PTPRT: variants seen among roughly 807,000 people sequenced by gnomAD.
PTPRT encodes protein tyrosine phosphatase receptor type T.
In PTPRT, 56 loss-of-function variants were observed where a neutral mutation model predicts 176.8. The observed-to-expected ratio is 0.32, with a 90% CI of 0.26 to 0.40. PTPRT has a LOEUF of 0.40. Among genes scored for constraint, PTPRT ranks in the 10% least tolerant of loss-of-function variants. The pLI is 1.00. For synonymous variants in PTPRT, 783 were observed against 739.0 expected, an observed-to-expected ratio of 1.06 and a Z score of -0.96; for missense variants, 1,540 against 1,908.2, an observed-to-expected ratio of 0.81 and a Z score of 3.60.
chr20:42,468,411 G>A (rs1205919704), intron 8 of PTPRT, among the ~76,000 whole-genome samples: 1 of 152,170 alleles, frequency 6.6e-6, no homozygotes, highest in Non-Finnish European at 1.5e-5. Flanking sequence ...CATACAGCAG[G>A]GTCCTACACT....
chr20:42,300,939 C>T (rs1271407048), intron 12 of PTPRT, among the ~76,000 whole-genome samples: 4 of 145,992 alleles, frequency 2.7e-5, no homozygotes, highest in Non-Finnish European at 6.0e-5. Context: ...AGGGGAACAT[C>T]ACACTCTGGG....
At chr20:42,293,960 G>C (rs2057352593) in intron 12 of PTPRT, among the ~76,000 whole-genome samples, 1 of 151,614 alleles carries the variant, frequency 6.6e-6, no homozygotes, top group Non-Finnish European at 1.5e-5. Context: ...AACAACACAG[G>C]AAAAGAAGAA....
At chr20:42,804,842 T>C (rs2077582288) in intron 2 of PTPRT, among the ~76,000 whole-genome samples, 1 of 152,172 alleles carries the variant, frequency 6.6e-6, no homozygotes, top group African/African-American at 2.4e-5. Context: ...CTGTCTCCAT[T>C]TGTTAAGGAA....
chr20:42,941,120 C>A (rs1281530404), intron 1 of PTPRT, among the ~76,000 whole-genome samples: 1 of 151,620 alleles, frequency 6.6e-6, no homozygotes, highest in Non-Finnish European at 1.5e-5. Context: ...AATAAGACTT[C>A]TGTTATGCGG....
At chr20:42,948,523 TTC>T (rs1428704182) in intron 1 of PTPRT, among the ~76,000 whole-genome samples, 28 of 152,114 alleles carry the variant, frequency 1.8e-4, no homozygotes, top group Non-Finnish European at 4.4e-5. Flanking sequence ...GTGATGAAAC[TTC>T]TCTCTTTTCC....
In PTPRT at chr20:43,166,751, T is replaced by G. The variant is rs542991310; in HGVS notation, c.88+22895A>C. Among the ~76,000 whole-genome samples the G allele has an allele frequency of 4.6e-5, 7 of 152,312 alleles. No individual in the cohort carries two copies. In the South Asian group the frequency reaches 1.5e-3, roughly 32 times the overall value. On this transcript the variant is annotated intron_variant, in intron 1 of 30. Transcript: ENST00000373187. ...GGGGGGTAAGAGAGAAAAACTGGCC[T>G]CATGGCTGGCAGACATCAGAGTACA... is the stretch of plus-strand genomic sequence containing the variant.
intron 13 of PTPRT, among the ~76,000 whole-genome samples, chr20:42,273,607 A>C (rs368310113): frequency 7.9e-4 from 121 of 152,372 alleles, no homozygotes; most frequent in African/African-American, 2.8e-3. Flanking sequence ...AAGACCATCC[A>C]AATCTAAAGA....
intron 9 of PTPRT, among the ~76,000 whole-genome samples, chr20:42,365,259 C>T (rs923749141): frequency 6.6e-6 from 1 of 152,140 alleles, no homozygotes; most frequent in African/African-American, 2.4e-5. Context: ...TTAATAGCCA[C>T]TTGTAGCTAG....
intron 7 of PTPRT, among the ~76,000 whole-genome samples, chr20:42,650,415 C>T (rs1402459309): frequency 6.6e-6 from 1 of 152,202 alleles, no homozygotes; most frequent in Non-Finnish European, 1.5e-5. Context: ...TCCCTGGGCT[C>T]ATCAGGATCA....
At chr20:42,083,143 TA>T (rs1258158187) in intron 29 of PTPRT, among the ~76,000 whole-genome samples, 168 of 76,768 alleles carry the variant, frequency 2.2e-3, no homozygotes, top group African/African-American at 8.5e-3. Context: ...AAAAGCAGGC[TA>T]AAAAACAAAC....
chr20:42,316,083 C>G, intron 11 of PTPRT, 87 bp from the exon 12 acceptor site: 1 of 1,441,758 alleles, frequency 6.9e-7, no homozygotes, highest in Non-Finnish European at 9.5e-7. Context: ...CCCAACTTCT[C>G]CTATGTGGAA....
intron 6 of PTPRT, among the ~76,000 whole-genome samples, chr20:42,732,414 G>A (rs1258563677): frequency 6.6e-6 from 1 of 152,200 alleles, no homozygotes; most frequent in Non-Finnish European, 1.5e-5. Context: ...ATAAATATGT[G>A]AGTAAATGAA....
chr20:42,765,742 T>C (rs1056073938), intron 5 of PTPRT, among the ~76,000 whole-genome samples: 2 of 151,948 alleles, frequency 1.3e-5, no homozygotes, highest in Admixed American at 6.6e-5. Flanking sequence ...GTGTATATAT[T>C]TTTTCATAAA....
At chr20:42,377,285 C>T (rs898958197) in intron 9 of PTPRT, among the ~76,000 whole-genome samples, 4 of 152,126 alleles carry the variant, frequency 2.6e-5, no homozygotes, top group African/African-American at 9.7e-5. Context: ...AGGGTACATG[C>T]TAACTCCAGA....
chr20:42,446,330 T>C (rs1303851051), intron 9 of PTPRT, among the ~76,000 whole-genome samples: 1 of 152,168 alleles, frequency 6.6e-6, no homozygotes, highest in African/African-American at 2.4e-5. Context: ...TGAAATTATA[T>C]CCTTTCTATA....
intron 9 of PTPRT, among the ~76,000 whole-genome samples, chr20:42,424,961 G>A (rs895541818): frequency 6.6e-6 from 1 of 151,580 alleles, no homozygotes; most frequent in African/African-American, 2.4e-5. Flanking sequence ...TATGGAAAAA[G>A]AAAACAAGAA....
At chr20:42,130,301 TGGAG>T (rs763121968) in intron 18 of PTPRT, among the ~76,000 whole-genome samples, 38 of 152,132 alleles carry the variant, frequency 2.5e-4, no homozygotes, top group Admixed American at 1.4e-3. Flanking sequence ...GCTGAAGGGA[TGGAG>T]GGAGGTGGTG....
chr20:42,931,593 C>A (rs1979850543), intron 1 of PTPRT, among the ~76,000 whole-genome samples: 1 of 152,136 alleles, frequency 6.6e-6, no homozygotes, highest in East Asian at 1.9e-4. Flanking sequence ...GAGGTAGAAC[C>A]TTCTCATAGA....
At chr20:42,732,506 C>T (rs368262101) in intron 6 of PTPRT, among the ~76,000 whole-genome samples, 11 of 152,198 alleles carry the variant, frequency 7.2e-5, no homozygotes, top group African/African-American at 2.7e-4. Context: ...CTTGGGGAAG[C>T]TGTAGAAGTC....
Sources: allele counts gnomAD v4.1 joint callset (sites outside exome capture counted in the v4.1 genomes callset), GRCh38; gene constraint gnomAD v4.1.1; transcripts MANE v1.5; gene names NCBI Gene and HGNC (gene_info 2026-07-23, HGNC 2026-07-21).